Variants in CLEC4A observed in about 807,000 individuals in gnomAD.
CLEC4A encodes C-type lectin domain family 4 member A, also known as C-type (calcium dependent, carbohydrate-recognition domain) lectin, superfamily member 6.
CLEC4A carries 27 observed loss-of-function variants against 32.7 expected under a neutral mutation model. That is an observed-to-expected ratio of 0.83 (90% confidence interval 0.61 to 1.14). The LOEUF is 1.14. CLEC4A is among the 50% of genes most tolerant of loss of function. The probability of loss-of-function intolerance (pLI) is 0.00; values close to 1 mark genes in which losing one functional copy is unlikely to be tolerated. For synonymous variants in CLEC4A, 89 were observed against 93.7 expected, an observed-to-expected ratio of 0.95 and a Z score of 0.29; for missense variants, 253 against 274.6, an observed-to-expected ratio of 0.92 and a Z score of 0.55.
chr12:8,129,432 G>A, intron 3 of CLEC4A, 70 bp downstream of exon 3: 1 of 1,007,870 alleles, frequency 9.9e-7, no homozygotes, highest in Non-Finnish European at 1.5e-6. Context: ...AATATTTCCA[G>A]TAAGATTCCC....
At chr12:8,128,410 T>A (rs1393212576) in intron 2 of CLEC4A, among the ~76,000 whole-genome samples, 2 of 90,620 alleles carry the variant, frequency 2.2e-5, no homozygotes, top group Non-Finnish European at 4.7e-5. Context: ...AAAGTTCAAT[T>A]TCTTTTTTTT....
chr12:8,122,088 T>C (rs1023512826), upstream of CLEC4A, among the ~76,000 whole-genome samples: 1 of 152,002 alleles, frequency 6.6e-6, no homozygotes, highest in Non-Finnish European at 1.5e-5. Context: ...ACTCAGATCC[T>C]AAGTAGGGTA....
chr12:8,108,318 G>C, the CLEC4A span, among the ~76,000 whole-genome samples: 1 of 152,180 alleles, frequency 6.6e-6, no homozygotes, highest in Non-Finnish European at 1.5e-5. Flanking sequence ...GGAACACCAG[G>C]TACCATGTAG....
upstream of CLEC4A, among the ~76,000 whole-genome samples, chr12:8,119,794 C>T (rs1947815889): frequency 1.3e-5 from 2 of 152,204 alleles, no homozygotes; most frequent in Non-Finnish European, 2.9e-5. Context: ...AGGGCACGCC[C>T]TTCATAAGAC....
At chr12:8,108,294 T>A in the CLEC4A span, among the ~76,000 whole-genome samples, 4 of 152,324 alleles carry the variant, frequency 2.6e-5, no homozygotes, top group South Asian at 8.3e-4. Flanking sequence ...ATATAGACTT[T>A]TTGGCCTGGG....
In CLEC4A at chr12:8,138,445, T is replaced by G. The variant is rs1948165444; in HGVS notation, c.*158T>G. ...AGAATTGGTCTGTACATTGACTGAT[T>G]CACTTTTTCATAAAGTGAGCATTTA... On this transcript the variant is annotated 3_prime_UTR_variant, in exon 6 of 6. Transcript: ENST00000229332. 7.0e-6 allele frequency: 6 copies of G among 860,350 alleles called. No homozygotes were observed. In the South Asian group the frequency reaches 1.1e-4, roughly 16 times the overall value. The allele number at this position is 860,350 out of a possible 1,614,324, so 53.3% of individuals were successfully genotyped here. A position where few individuals can be genotyped will look rare whatever the true frequency, so the allele number is the denominator to read the frequency against.
chr12:8,105,281 A>G, the CLEC4A span, among the ~76,000 whole-genome samples: 1 of 151,980 alleles, frequency 6.6e-6, no homozygotes, highest in Middle Eastern at 3.4e-3. Context: ...GACTGGTGTG[A>G]GATGGTATCT....
the CLEC4A span, among the ~76,000 whole-genome samples, chr12:8,110,944 G>A: frequency 8.6e-5 from 13 of 151,098 alleles, no homozygotes; most frequent in Non-Finnish European, 1.8e-4. Context: ...TGTGATCTCC[G>A]CTCACTACAA....
the CLEC4A span, among the ~76,000 whole-genome samples, chr12:8,111,178 CT>C: frequency 0.47 from 47,073 of 99,794 alleles, 10,622 homozygotes; most frequent in Middle Eastern, 0.63. Flanking sequence ...GGCCCAACAT[CT>C]TTTTTTTTTT....
the CLEC4A span, among the ~76,000 whole-genome samples, chr12:8,107,411 C>T: frequency 1.3e-5 from 2 of 152,212 alleles, no homozygotes; most frequent in Admixed American, 1.3e-4. Flanking sequence ...ATGAGTCCTT[C>T]CTCCTCAAAT....
At chr12:8,110,646 T>C in the CLEC4A span, among the ~76,000 whole-genome samples, 3 of 152,194 alleles carry the variant, frequency 2.0e-5, no homozygotes, top group Non-Finnish European at 2.9e-5. Flanking sequence ...TCCCATTGTA[T>C]TGAAATTATT....
upstream of CLEC4A, chr12:8,121,785 G>A (rs1947832967): frequency 6.5e-6 from 1 of 153,564 alleles, no homozygotes; most frequent in Non-Finnish European, 1.5e-5. Flanking sequence ...GGTGCAGTGA[G>A]TTGGAGTGCA....
In CLEC4A at chr12:8,125,694, A is replaced by G. The variant is rs1204837128; in HGVS notation, c.199+17A>G. On this transcript the variant is annotated intron_variant, in intron 2 of 5. Coordinates refer to ENST00000229332, the MANE Select transcript of CLEC4A (RefSeq NM_016184.4). Reference sequence around the variant, plus strand: ...CTTTTGTCAGTAAGTATGCCAACTGAACCAATAAGCAATATCTGCTGTCCA... The same window carrying G: ...CTTTTGTCAGTAAGTATGCCAACTGGACCAATAAGCAATATCTGCTGTCCA... 2.1e-6 allele frequency: 3 copies of G among 1,434,366 alleles called. No homozygotes were observed. The highest frequency in any genetic ancestry group is 3.0e-6 in the Non-Finnish European group (3 of 1,016,728). The allele number at this position is 1,434,366 out of a possible 1,614,324, so 88.9% of individuals were successfully genotyped here.
chr12:8,136,444 A>G (rs1417333979), intron 4 of CLEC4A, among the ~76,000 whole-genome samples: 1 of 152,010 alleles, frequency 6.6e-6, no homozygotes, highest in African/African-American at 2.4e-5. Flanking sequence ...ACACACCTGT[A>G]GTCCCAGCTA....
chr12:8,131,228 G>C (rs1462227853), intron 3 of CLEC4A, among the ~76,000 whole-genome samples: 1 of 152,120 alleles, frequency 6.6e-6, no homozygotes, highest in Non-Finnish European at 1.5e-5. Flanking sequence ...GGTAGTGTTT[G>C]TCAAGTTTCT....
At chr12:8,119,952 A>G (rs1225792346), upstream of CLEC4A, among the ~76,000 whole-genome samples, 3 of 152,182 alleles carry the variant, frequency 2.0e-5, no homozygotes, top group African/African-American at 7.2e-5. Context: ...GGATAGTGCC[A>G]TGCTTATGAT....
chr12:8,127,642 T>C (rs1947925491), intron 2 of CLEC4A, among the ~76,000 whole-genome samples: 1 of 151,640 alleles, frequency 6.6e-6, no homozygotes, highest in South Asian at 2.1e-4. Context: ...GAAAGAGAGG[T>C]TAGAAGGATA....
At chr12:8,137,901 T>C (rs1461224929) in intron 5 of CLEC4A, among the ~76,000 whole-genome samples, 2 of 152,122 alleles carry the variant, frequency 1.3e-5, no homozygotes, top group Non-Finnish European at 2.9e-5. Flanking sequence ...CTAGAAAATC[T>C]ATGGTGAGGA....
At chr12:8,137,058 A>C (rs1236891262) in intron 5 of CLEC4A, among the ~76,000 whole-genome samples, 155 bp downstream of exon 5, 1 of 152,208 alleles carries the variant, frequency 6.6e-6, no homozygotes, top group Non-Finnish European at 1.5e-5. Context: ...TAATCTGCGC[A>C]AGAACCCTAT....
Sources: allele counts gnomAD v4.1 joint callset (sites outside exome capture counted in the v4.1 genomes callset), GRCh38; gene constraint gnomAD v4.1.1; transcripts MANE v1.5; gene names NCBI Gene and HGNC (gene_info 2026-07-23, HGNC 2026-07-21).